The following TTC7B variants were observed in gnomAD, a reference collection of about 807,000 sequenced individuals.
The protein encoded by TTC7B is tetratricopeptide repeat protein 7B.
A neutral mutation model predicts 106.8 loss-of-function variants in TTC7B; 28 were observed. The observed-to-expected ratio is 0.26, with a 90% CI of 0.19 to 0.36. The LOEUF (loss-of-function observed/expected upper bound fraction) is 0.36. Among genes scored for constraint, TTC7B ranks in the 10% least tolerant of loss-of-function variants. The probability of loss-of-function intolerance (pLI) is 1.00; values close to 1 mark genes in which losing one functional copy is unlikely to be tolerated. For missense variants in TTC7B, 862 were observed against 1,076.4 expected (o/e 0.80, Z 2.79); for synonymous variants, 405 against 430.6 (o/e 0.94, Z 0.74).
chr14:90,706,410 G>A (rs1451370443), intron 5 of TTC7B, among the ~76,000 whole-genome samples: 5 of 152,008 alleles, frequency 3.3e-5, no homozygotes, highest in Non-Finnish European at 5.9e-5. Flanking sequence ...TGATCCACCC[G>A]CCTCAGCCTC....
At chr14:90,621,147 C>T (rs1392059402) in intron 15 of TTC7B, among the ~76,000 whole-genome samples, 2 of 151,382 alleles carry the variant, frequency 1.3e-5, no homozygotes, top group Admixed American at 1.3e-4. Context: ...TCGGCTGGGA[C>T]GATAGGCAGA....
chr14:90,547,031 G>C (rs1312192746), intron 19 of TTC7B, among the ~76,000 whole-genome samples: 1 of 152,174 alleles, frequency 6.6e-6, no homozygotes, highest in Non-Finnish European at 1.5e-5. Context: ...GAGAGGATGC[G>C]CACACAGACT....
chr14:90,657,090 C>A lies in TTC7B; in HGVS notation c.1341+84G>T. On this transcript the variant is annotated intron_variant, in intron 11 of 19. Coordinates refer to ENST00000328459, the MANE Select transcript of TTC7B (RefSeq NM_001010854.2). This position sits in a 1 kb window ranked among gnomAD's most constrained non-coding sequence, Gnocchi z 4.2. ...ACAGCTGATGAATCACCCTCGCTTT[C>A]TCTCTGTGCCTCGACATGAAAAAAA... The A allele has an allele frequency of 8.5e-7, 1 of 1,178,600 alleles. No homozygotes were observed. Among genetic ancestry groups the A allele is most frequent in the Non-Finnish European group, 1.2e-6 (1 of 811,660 alleles). The allele number at this position is 1,178,600 out of a possible 1,614,324, so 73.0% of individuals were successfully genotyped here.
chr14:90,681,544 G>A (rs1194532902), intron 7 of TTC7B, among the ~76,000 whole-genome samples: 1 of 151,968 alleles, frequency 6.6e-6, no homozygotes, highest in South Asian at 2.1e-4. Context: ...TTGAAGTGCT[G>A]GCAATTTTTG....
In TTC7B at chr14:90,647,033, T is replaced by A. The variant is rs779843983; in HGVS notation, c.1518-10A>T. 14 of 1,613,832 alleles carry A rather than the reference T, an allele frequency of 8.7e-6. No homozygotes were observed. In the East Asian group the frequency reaches 2.9e-4, roughly 33 times the overall value. On this transcript the variant is annotated splice_polypyrimidine_tract_variant and intron_variant, in intron 13 of 19. Transcript: ENST00000328459. ...TGACAGGCTGTGGGCCCTGAAAAAGTATTTACGGCTATTAGTACATGGGAG... is the reference window on the plus strand; with the variant it reads ...TGACAGGCTGTGGGCCCTGAAAAAGAATTTACGGCTATTAGTACATGGGAG...
At chr14:90,659,858 G>A (rs1595255290) in intron 9 of TTC7B, among the ~76,000 whole-genome samples, 2 of 152,214 alleles carry the variant, frequency 1.3e-5, no homozygotes, top group African/African-American at 4.8e-5. Context: ...AGCAGAACCA[G>A]CATGCAGAGT....
At chr14:90,542,086 C>T (rs1889621499) in intron 19 of TTC7B, among the ~76,000 whole-genome samples, 1 of 152,120 alleles carries the variant, frequency 6.6e-6, no homozygotes, top group Non-Finnish European at 1.5e-5. Context: ...ACTACAGGCG[C>T]CCGCCACCAC....
Position 90,657,637 on chromosome 14 carries a change from T to G in TTC7B, c.1237-359A>C, listed in dbSNP as rs577322980. Among the ~76,000 whole-genome samples, 1 of 152,190 alleles carries G rather than the reference T, an allele frequency of 6.6e-6. No homozygotes were observed. Among genetic ancestry groups the G allele is most frequent in the Non-Finnish European group, 1.5e-5 (1 of 68,036 alleles). Reference sequence around the variant, plus strand: ...TACTGAATTTCTGAATTCACTTAGCTCAAATAATCTTCCATCTCAGGCTTC... The same window carrying G: ...TACTGAATTTCTGAATTCACTTAGCGCAAATAATCTTCCATCTCAGGCTTC... On this transcript the variant is annotated intron_variant, in intron 10 of 19. Transcript: ENST00000328459. This position sits in a 1 kb window ranked among gnomAD's most constrained non-coding sequence, Gnocchi z 4.2.
chr14:90,737,717 C>T (rs1889597826), intron 4 of TTC7B, among the ~76,000 whole-genome samples: 1 of 151,986 alleles, frequency 6.6e-6, no homozygotes, highest in Non-Finnish European at 1.5e-5. Context: ...CACCACCACG[C>T]CCGACCAATT....
rs960561923 is a variant in TTC7B, at chr14:90,537,059, G to C, written c.*4309C>G. ...AGCCTCTAGCCGCTGGAGAAGACGGGGACACCCGTCCTCCTCCAGAGCCTG... is the reference window on the plus strand; with the variant it reads ...AGCCTCTAGCCGCTGGAGAAGACGGCGACACCCGTCCTCCTCCAGAGCCTG... On this transcript the variant is annotated 3_prime_UTR_variant, in exon 20 of 20. Coordinates refer to ENST00000328459, the MANE Select transcript of TTC7B (RefSeq NM_001010854.2). 9 of 152,194 alleles carry C rather than the reference G, an allele frequency of 5.9e-5. No individual in the cohort carries two copies. The highest frequency in any genetic ancestry group is 1.3e-4 in the Non-Finnish European group (9 of 68,054). The allele number at this position is 152,194 out of a possible 1,614,324, so 9.4% of individuals were successfully genotyped here. A position where few individuals can be genotyped will look rare whatever the true frequency, so the allele number is the denominator to read the frequency against.
intron 1 of TTC7B, among the ~76,000 whole-genome samples, chr14:90,799,233 C>G (rs974910390): frequency 6.6e-5 from 10 of 152,200 alleles, no homozygotes; most frequent in Non-Finnish European, 1.2e-4. Flanking sequence ...TCCCAGGCAT[C>G]CTTTAAGACA....
chr14:90,619,998 G>A (rs1555382556), intron 15 of TTC7B, among the ~76,000 whole-genome samples: 3 of 152,140 alleles, frequency 2.0e-5, no homozygotes, highest in African/African-American at 2.4e-5. Flanking sequence ...TTTCATGTGT[G>A]AGAGGTGGAA....
At chr14:90,651,877 G>A (rs1037425571) in intron 13 of TTC7B, among the ~76,000 whole-genome samples, 1 of 152,162 alleles carries the variant, frequency 6.6e-6, no homozygotes, top group Non-Finnish European at 1.5e-5. Flanking sequence ...CAGTTCTAAG[G>A]AAAGAGTCTA....
At chr14:90,756,458 A>G (rs1381197694) in intron 3 of TTC7B, among the ~76,000 whole-genome samples, 1 of 147,120 alleles carries the variant, frequency 6.8e-6, no homozygotes, top group Non-Finnish European at 1.5e-5. Context: ...CAATGGCGCG[A>G]TCTCGGCTCA....
At chr14:90,586,356 C>T (rs111394906) in intron 18 of TTC7B, among the ~76,000 whole-genome samples, 12,091 of 152,190 alleles carry the variant, frequency 0.079, 567 homozygotes, top group Middle Eastern at 0.11. Context: ...TTGCAATCTC[C>T]ACCTCCCAGG....
In TTC7B at chr14:90,578,438, C is replaced by T. The variant is rs1373273422; in HGVS notation, c.2108-130G>A. The T allele has an allele frequency of 3.3e-6, 3 of 897,394 alleles. No homozygotes were observed. The highest frequency in any genetic ancestry group is 3.3e-5 in the African/African-American group (2 of 60,788). 55.6% of individuals were successfully genotyped at this position (897,394 alleles called of 1,614,324 possible). Reference sequence around the variant, plus strand: ...GCGCAGAGCCAGCTGATCCCTGCTCCAAGTGGAAACAGCTGCCGCTGACAG... The same window carrying T: ...GCGCAGAGCCAGCTGATCCCTGCTCTAAGTGGAAACAGCTGCCGCTGACAG... On this transcript the variant is annotated intron_variant, in intron 18 of 19. Transcript: ENST00000328459. This position sits in a 1 kb window ranked among gnomAD's most constrained non-coding sequence, Gnocchi z 4.7.
At chr14:90,542,802 A>C (rs61986993) in intron 19 of TTC7B, among the ~76,000 whole-genome samples, 13,515 of 152,080 alleles carry the variant, frequency 0.089, 657 homozygotes, top group Middle Eastern at 0.11. Context: ...CTGGGGGAGG[A>C]TCAGTGGAAC....
chr14:90,722,594 G>A (rs1333359237), intron 5 of TTC7B, among the ~76,000 whole-genome samples: 2 of 152,156 alleles, frequency 1.3e-5, no homozygotes, highest in African/African-American at 4.8e-5. Flanking sequence ...ACATTTCTAG[G>A]AAGTGGCCTG....
chr14:90,812,742 T>G (rs1485204487), intron 1 of TTC7B, among the ~76,000 whole-genome samples: 1 of 152,122 alleles, frequency 6.6e-6, no homozygotes, highest in Non-Finnish European at 1.5e-5. Context: ...AAATGGTGAC[T>G]ACGGTAGGGT....
Sources: allele counts gnomAD v4.1 joint callset (sites outside exome capture counted in the v4.1 genomes callset), GRCh38; gene constraint gnomAD v4.1.1; non-coding constraint Gnocchi (gnomAD v3.1); transcripts MANE v1.5; gene names NCBI Gene and HGNC (gene_info 2026-07-23, HGNC 2026-07-21).